Variants in SMIM31 observed in about 807,000 individuals in gnomAD.
The protein encoded by SMIM31 is small integral membrane protein 31.
At chr4:164,784,515 T>C (rs1733001594) in intron 2 of SMIM31, among the ~76,000 whole-genome samples, 1 of 152,226 alleles carries the variant, frequency 6.6e-6, no homozygotes, top group South Asian at 2.1e-4. Context: ...AGATAGTATA[T>C]AATGAATTTT....
rs1044090370 is a variant in SMIM31 at position 164,782,247 on chromosome 4, G to A, written c.112+11692G>A. Among the ~76,000 whole-genome samples, 57 of 150,848 alleles carry A rather than the reference G, an allele frequency of 3.8e-4. 2 individuals are homozygous for A. The highest frequency in any genetic ancestry group is 9.8e-4 in the African/African-American group (40 of 40,966). On this transcript the variant is annotated intron_variant, in intron 2 of 2. Transcript: ENST00000507311. ...AGAGGTTGCAGTGAGCCGAGACCGC[G>A]CCATTGCACTCCACCTGGGCAACCA...
At chr4:164,759,877 T>C (rs1207582326) in intron 1 of SMIM31, among the ~76,000 whole-genome samples, 1 of 152,140 alleles carries the variant, frequency 6.6e-6, no homozygotes, top group East Asian at 1.9e-4. Context: ...TTTGCAAAAA[T>C]ATAACAAAGC....
chr4:164,761,291 A>G (rs1732646076), intron 1 of SMIM31, among the ~76,000 whole-genome samples: 1 of 152,248 alleles, frequency 6.6e-6, no homozygotes, highest in African/African-American at 2.4e-5. Context: ...TAGGAAACAA[A>G]TAGAACAATT....
rs991639909 is a variant in SMIM31 at position 164,799,186 on chromosome 4, G to C, written c.113-1905G>C. Among the ~76,000 whole-genome samples the C allele has an allele frequency of 2.6e-5, 4 of 152,110 alleles. No homozygotes were observed. In the South Asian group the frequency reaches 8.3e-4, roughly 32 times the overall value. On this transcript the variant is annotated intron_variant, in intron 2 of 2. Transcript: ENST00000507311. ...GGATCCCTTGAACTCGGGAGTTCAA[G>C]ACCAGCCTGGGCAACATAACAAAAC...
At chr4:164,795,946 A>G (rs1733189815) in intron 2 of SMIM31, among the ~76,000 whole-genome samples, 1 of 152,140 alleles carries the variant, frequency 6.6e-6, no homozygotes, top group African/African-American at 2.4e-5. Context: ...CAGACACTAC[A>G]GAGAAACCCC....
At chr4:164,793,300 C>T (rs1401670298) in intron 2 of SMIM31, among the ~76,000 whole-genome samples, 1 of 152,076 alleles carries the variant, frequency 6.6e-6, no homozygotes, top group Non-Finnish European at 1.5e-5. Context: ...TATTCCAAAC[C>T]TCGGTATCCC....
At chr4:164,782,298 A>T (rs906242206) in intron 2 of SMIM31, among the ~76,000 whole-genome samples, 2 of 152,114 alleles carry the variant, frequency 1.3e-5, no homozygotes, top group Admixed American at 6.5e-5. Flanking sequence ...TCACAAAAAA[A>T]AAAGTGAATT....
At chr4:164,781,009 A>C (rs932457640) in intron 2 of SMIM31, among the ~76,000 whole-genome samples, 1 of 152,046 alleles carries the variant, frequency 6.6e-6, no homozygotes, top group Non-Finnish European at 1.5e-5. Flanking sequence ...GGGTCTTGCT[A>C]TGTTGCCCAG....
chr4:164,785,955 C>T (rs959092884), intron 2 of SMIM31, among the ~76,000 whole-genome samples: 16 of 152,078 alleles, frequency 1.1e-4, no homozygotes, highest in African/African-American at 3.4e-4. Context: ...GTAAAAATCA[C>T]ATATTATGAG....
intron 2 of SMIM31, among the ~76,000 whole-genome samples, chr4:164,779,118 C>A (rs1050210168): frequency 6.6e-6 from 1 of 151,970 alleles, no homozygotes; most frequent in African/African-American, 2.4e-5. Context: ...GTCTTTTGGT[C>A]GCAGAGAAGT....
At chr4:164,765,692 G>A (rs530915047) in intron 1 of SMIM31, among the ~76,000 whole-genome samples, 4 of 151,374 alleles carry the variant, frequency 2.6e-5, no homozygotes, top group Non-Finnish European at 5.9e-5. Context: ...TTGGTTAGTA[G>A]CCTTTAGACT....
At chr4:164,758,782 C>T (rs1732603792) in intron 1 of SMIM31, among the ~76,000 whole-genome samples, 1 of 142,374 alleles carries the variant, frequency 7.0e-6, no homozygotes, top group South Asian at 2.2e-4. Context: ...TACAGGCGCC[C>T]GCCACCACGC....
At chr4:164,791,778 C>T (rs572338170) in intron 2 of SMIM31, among the ~76,000 whole-genome samples, 1 of 152,178 alleles carries the variant, frequency 6.6e-6, no homozygotes, top group Non-Finnish European at 1.5e-5. Flanking sequence ...GAAGTCTGGG[C>T]TTTAAGTGTA....
intron 2 of SMIM31, among the ~76,000 whole-genome samples, chr4:164,787,689 C>T (rs1007954523): frequency 5.9e-5 from 9 of 151,992 alleles, no homozygotes; most frequent in African/African-American, 1.9e-4. Context: ...ATCTTTTAAT[C>T]CCGGCCTCCA....
intron 2 of SMIM31, among the ~76,000 whole-genome samples, chr4:164,793,308 C>A (rs548328933): frequency 5.3e-4 from 80 of 152,198 alleles, no homozygotes; most frequent in African/African-American, 1.9e-3. Flanking sequence ...ACCTCGGTAT[C>A]CCACAATAAC....
intron 1 of SMIM31, among the ~76,000 whole-genome samples, chr4:164,765,331 G>A (rs1213936042): frequency 3.3e-5 from 5 of 152,200 alleles, no homozygotes; most frequent in African/African-American, 1.2e-4. Flanking sequence ...AGTACTTGGT[G>A]TCAGGGAGTA....
chr4:164,791,409 T>C lies in SMIM31; in HGVS notation c.113-9682T>C, dbSNP rs374062414. 3.3e-5 allele frequency among the ~76,000 whole-genome samples: 5 copies of C among 152,300 alleles called. No homozygotes were observed. The East Asian group carries it at 7.7e-4, about 24-fold the overall frequency. On this transcript the variant is annotated intron_variant, in intron 2 of 2. Transcript: ENST00000507311. ...CTGCAGTGGTGCGATCTCAGCTTAC[T>C]GCAACTTCTGCCTTTCAAGCTCAAG... is the stretch of plus-strand genomic sequence containing the variant.
At position 164,765,980 on chromosome 4, in the gene SMIM31, T is replaced by C. The variant is rs375942557; in HGVS notation, c.-25-4439T>C. On this transcript the variant is annotated intron_variant, in intron 1 of 2. Coordinates refer to ENST00000507311, the MANE Select transcript of SMIM31 (RefSeq NM_001352885.1). ...GGAAGGAGACTCAATAAGAAGAGCA[T>C]GTTCCATGCTGTCCCCGAGCAATCA... Among the ~76,000 whole-genome samples, 9 of 152,278 alleles carry C rather than the reference T, an allele frequency of 5.9e-5. No individual in the cohort carries two copies. The East Asian group carries it at 1.3e-3, about 23-fold the overall frequency.
chr4:164,773,466 A>G (rs1284419862), intron 2 of SMIM31, among the ~76,000 whole-genome samples: 1 of 152,148 alleles, frequency 6.6e-6, no homozygotes, highest in Non-Finnish European at 1.5e-5. Context: ...GTGGAAGGGG[A>G]AGCAAACATG....
Sources: allele counts gnomAD v4.1 joint callset (sites outside exome capture counted in the v4.1 genomes callset), GRCh38; gene constraint gnomAD v4.1.1; transcripts MANE v1.5; gene names NCBI Gene and HGNC (gene_info 2026-07-23, HGNC 2026-07-21).